DICER1: variants seen among roughly 807,000 people sequenced by gnomAD.
The protein encoded by DICER1 is endoribonuclease Dicer.
In DICER1, 43 loss-of-function variants were observed where a neutral mutation model predicts 194.1. That is an observed-to-expected ratio of 0.22 (90% CI 0.17 to 0.29). The LOEUF is 0.29. DICER1 is among the 10% of genes least tolerant of loss of function. DICER1 has a pLI of 1.00. For synonymous variants in DICER1, 832 were observed against 820.5 expected (o/e 1.01, Z -0.24); for missense variants, 1,608 against 2,317.0 (o/e 0.69, Z 6.28).
At chr14:95,115,928 T>C (rs1412110245) in intron 10 of DICER1, 107 bp from the exon 11 acceptor site, 4 of 1,111,108 alleles carry the variant, frequency 3.6e-6, no homozygotes, top group African/African-American at 3.1e-5. Flanking sequence ...TCTCTCTCTC[T>C]CCTAAACATA....
intron 22 of DICER1, among the ~76,000 whole-genome samples, chr14:95,099,231 A>G (rs1251985651): frequency 6.6e-6 from 1 of 152,104 alleles, no homozygotes. Flanking sequence ...GCTGTTGCTG[A>G]TATTTGGAGT....
At position 95,124,442 on chromosome 14, in the gene DICER1, A is replaced by G. The variant is rs1390995232; in HGVS notation, c.1130T>C (p.Val377Ala). Residue 377 changes from valine (V) to alanine (A), a missense_variant, in exon 8 of 27, where the codon GTA becomes GCA. Around this residue, in one of 10 missense-constraint regions of DICER1, gnomAD observed 657 missense variants for 910.1 expected, o/e 0.72. Coordinates refer to ENST00000343455, the MANE Select transcript of DICER1 (RefSeq NM_177438.3). This position sits in a 1 kb window ranked among gnomAD's most constrained non-coding sequence, Gnocchi z 4.5. The stretch of plus-strand genomic sequence containing the variant: ...GCGTAAGATTTCGAGCAGTTTGATT[A>G]CTTTAGGAGTTACAAATTTCAGGTC... ...SLDLKFVTPK[V>A]IKLLEILRKY... 6.2e-7 allele frequency: 1 copy of G among 1,614,150 alleles called. No individual in the cohort carries two copies. Among genetic ancestry groups the G allele is most frequent in the Non-Finnish European group, 8.5e-7 (1 of 1,180,004 alleles).
intron 1 of DICER1, among the ~76,000 whole-genome samples, chr14:95,154,473 G>C (rs1895713573): frequency 6.6e-6 from 1 of 152,178 alleles, no homozygotes; most frequent in Non-Finnish European, 1.5e-5. Context: ...ATGGACAGAT[G>C]AATGGATAAA....
intron 3 of DICER1, 129 bp from the exon 4 acceptor site, chr14:95,131,768 T>G: frequency 1.1e-6 from 1 of 910,166 alleles, no homozygotes; most frequent in Non-Finnish European, 1.8e-6. Context: ...ATGTTTTTGA[T>G]AGCCTCTTTA....
intron 1 of DICER1, among the ~76,000 whole-genome samples, chr14:95,145,175 G>A (rs1044905033): frequency 2.6e-5 from 4 of 152,120 alleles, no homozygotes; most frequent in African/African-American, 9.7e-5. Context: ...ATCAATACAA[G>A]CTGTAGACCT....
Position 95,126,706 on chromosome 14 carries a change from T to C in DICER1, c.777A>G (p.Pro259=), listed in dbSNP as rs2140233891. Residue 259 remains proline, a synonymous_variant, in exon 7 of 27, where the codon CCA becomes CCG. Transcript: ENST00000343455. ...QPCEIVVDCG[P]FTDRSGLYER... ...CATAAAGCCCACTTCTGTCAGTAAA[T>C]GGTCCACAATCCACCACAATCTCAC... The C allele has an allele frequency of 4.3e-6, 7 of 1,611,112 alleles. No homozygotes were observed. Among genetic ancestry groups the C allele is most frequent in the Non-Finnish European group, 5.9e-6 (7 of 1,177,608 alleles).
intron 7 of DICER1, 84 bp downstream of exon 7, chr14:95,126,496 G>T (rs568467061): frequency 2.3e-6 from 2 of 876,334 alleles, no homozygotes; most frequent in Non-Finnish European, 3.6e-6. Context: ...GAAAAGAGCC[G>T]CATTAAGCAT....
Position 95,138,669 on chromosome 14 carries a change from CCTTACGTT to C in DICER1, c.-45-5174_-45-5167del, listed in dbSNP as rs547313262. ...CTGCCTGACTTCTGCCGACCTGTAA[CCTTACGTT>C]CAGATTATTCACCCAGCTTCTCAGT... On this transcript the variant is annotated intron_variant, in intron 1 of 26. Coordinates refer to ENST00000343455, the MANE Select transcript of DICER1 (RefSeq NM_177438.3). Among the ~76,000 whole-genome samples, 12 of 152,058 alleles carry C rather than the reference CCTTACGTT, an allele frequency of 7.9e-5. No homozygotes were observed. The South Asian group carries it at 2.3e-3, about 29-fold the overall frequency.
chr14:95,113,963 A>T (rs1234655574), intron 11 of DICER1, among the ~76,000 whole-genome samples: 1 of 152,234 alleles, frequency 6.6e-6, no homozygotes, highest in Non-Finnish European at 1.5e-5. Context: ...ATTTCTGATT[A>T]TTAGAGAAAG....
chr14:95,095,711 G>C, intron 23 of DICER1, 114 bp downstream of exon 23: 1 of 1,139,070 alleles, frequency 8.8e-7, no homozygotes, highest in Non-Finnish European at 1.3e-6. Flanking sequence ...CCCATCCCTT[G>C]AATATTAAGC....
rs112512926 is a variant in DICER1, at chr14:95,132,863, T to C, written c.145-186A>G. 6.4e-3 allele frequency among the ~76,000 whole-genome samples: 969 copies of C among 152,360 alleles called. 14 individuals carry two copies. The highest frequency in any genetic ancestry group is 0.022 in the African/African-American group (919 of 41,580). Reference sequence around the variant, plus strand: ...ACTCAGAGGAATAAAATGCCTGCTATATACAGCTGTATTGTGTAAATACGT... The same window carrying C: ...ACTCAGAGGAATAAAATGCCTGCTACATACAGCTGTATTGTGTAAATACGT... On this transcript the variant is annotated intron_variant, in intron 2 of 26. Coordinates refer to ENST00000343455, the MANE Select transcript of DICER1 (RefSeq NM_177438.3).
chr14:95,090,915 G>T, intron 26 of DICER1, 119 bp downstream of exon 26: 1 of 1,075,378 alleles, frequency 9.3e-7, no homozygotes, highest in East Asian at 2.6e-5. Context: ...ACAGAAATCT[G>T]ACAACAGCAC....
chr14:95,132,745 T>G, intron 2 of DICER1, 68 bp from the exon 3 acceptor site: 1 of 1,485,840 alleles, frequency 6.7e-7, no homozygotes. Context: ...AATTGGATTT[T>G]ATTTTAAATC....
intron 26 of DICER1, 163 bp from the exon 27 acceptor site, chr14:95,090,826 A>C: frequency 1.0e-6 from 1 of 994,246 alleles, no homozygotes. Context: ...CCCCCGACAG[A>C]CAGGGCTGCC....
Position 95,086,492 on chromosome 14 carries a change from T to C in DICER1, c.*4006A>G, listed in dbSNP as rs1382953321. 8 of 233,290 alleles carry C rather than the reference T, an allele frequency of 3.4e-5. 1 individual carries two copies. In the Admixed American group the frequency reaches 3.9e-4, roughly 11 times the overall value. 14.5% of individuals were successfully genotyped at this position (233,290 alleles called of 1,614,324 possible). On this transcript the variant is annotated 3_prime_UTR_variant, in exon 27 of 27. Coordinates refer to ENST00000343455, the MANE Select transcript of DICER1 (RefSeq NM_177438.3). The stretch of plus-strand genomic sequence containing the variant: ...ACAGCAGAAAAGCCAGAAATTTACT[T>C]CCTGTTCACCTTTGCATTTTTGCTA...
chr14:95,132,263 G>C (rs1373476027), intron 3 of DICER1, among the ~76,000 whole-genome samples: 1 of 152,156 alleles, frequency 6.6e-6, no homozygotes, highest in Non-Finnish European at 1.5e-5. Flanking sequence ...CTTAGATTAT[G>C]TTCTAATGTA....
At position 95,087,348 on chromosome 14, in the gene DICER1, AAATAT is replaced by A. The variant is rs1889415167; in HGVS notation, c.*3145_*3149del. On this transcript the variant is annotated 3_prime_UTR_variant, in exon 27 of 27. Coordinates refer to ENST00000343455, the MANE Select transcript of DICER1 (RefSeq NM_177438.3). ...CGTAATATAAAAGAAAAAAGAAAAG[AAATAT>A]AACAAACATTTTAAAAACATAATTA... The A allele has an allele frequency of 4.3e-6, 1 of 233,312 alleles. No homozygotes were observed. The highest frequency in any genetic ancestry group is 5.6e-5 in the Admixed American group (1 of 17,784). 14.5% of individuals were successfully genotyped at this position (233,312 alleles called of 1,614,324 possible). A position where few individuals can be genotyped will look rare whatever the true frequency, so the allele number is the denominator to read the frequency against.
At chr14:95,098,680 C>G (rs377522945) in intron 22 of DICER1, among the ~76,000 whole-genome samples, 1 of 152,078 alleles carries the variant, frequency 6.6e-6, no homozygotes, top group South Asian at 2.1e-4. Context: ...CATAGAAATA[C>G]CATACCATTT....
At position 95,089,411 on chromosome 14, in the gene DICER1, T is replaced by A. The variant is rs1468667142; in HGVS notation, c.*1087A>T. 4.3e-6 allele frequency: 1 copy of A among 232,808 alleles called. No homozygotes were observed. Among genetic ancestry groups the A allele is most frequent in the African/African-American group, 2.2e-5 (1 of 45,344 alleles). The allele number at this position is 232,808 out of a possible 1,614,324, so 14.4% of individuals were successfully genotyped here. ...TATGTGAGGAGACTAAGGGTAAAGG[T>A]GCTGTGTTTTGCTTCTTAAATAAGT... On this transcript the variant is annotated 3_prime_UTR_variant, in exon 27 of 27. Transcript: ENST00000343455.
Sources: gnomAD v4.1 joint callset for allele counts (sites outside exome capture counted in the v4.1 genomes callset) on GRCh38, gnomAD v4.1.1 for gene constraint, gnomAD v4.1.1 regional missense constraint, Gnocchi (gnomAD v3.1) non-coding constraint, MANE v1.5 for transcripts, NCBI Gene and HGNC (gene_info 2026-07-23, HGNC 2026-07-21) for gene names.